The following VPS13D variants were observed in gnomAD, a reference collection of about 807,000 sequenced individuals.
VPS13D encodes the protein intermembrane lipid transfer protein VPS13D.
VPS13D carries 187 observed loss-of-function variants against 461.9 expected under a neutral mutation model. That is an observed-to-expected ratio of 0.40 (90% confidence interval 0.36 to 0.46). The LOEUF (loss-of-function observed/expected upper bound fraction) is 0.46. VPS13D is among the 20% of genes least tolerant of loss of function. The pLI is 0.60. For missense variants in VPS13D, 4,711 were observed against 5,364.9 expected (o/e 0.88, Z 3.81); for synonymous variants, 1,951 against 1,986.3 (o/e 0.98, Z 0.47).
At chr1:12,348,630 A>ATT (rs555444891) in intron 44 of VPS13D, among the ~76,000 whole-genome samples, 193 bp from the exon 45 acceptor site, 1 of 148,968 alleles carries the variant, frequency 6.7e-6, no homozygotes, top group Non-Finnish European at 1.5e-5. Context: ...ACTTTTTAGA[A>ATT]TTTTTTTTTT....
intron 34 of VPS13D, among the ~76,000 whole-genome samples, chr1:12,323,376 C>A (rs972250492): frequency 2.0e-5 from 3 of 152,026 alleles, no homozygotes; most frequent in Non-Finnish European, 4.4e-5. Flanking sequence ...ACTGTGCCCA[C>A]CTCTAATTTT....
chr1:12,437,016 G>A (rs1010080050), intron 65 of VPS13D, among the ~76,000 whole-genome samples: 6 of 152,122 alleles, frequency 3.9e-5, no homozygotes, highest in South Asian at 2.1e-4. Context: ...TTCACTGAGC[G>A]GGCCCAAACA....
In VPS13D at chr1:12,509,269, A is replaced by G. The variant is rs1646154260; in HGVS notation, c.*245A>G. ...GGTATTGGTTAAATAACGTTTAAAAACATGTACTGAGATGAATCTAATTTT... is the reference window on the plus strand; with the variant it reads ...GGTATTGGTTAAATAACGTTTAAAAGCATGTACTGAGATGAATCTAATTTT... On this transcript the variant is annotated 3_prime_UTR_variant, in exon 70 of 70. Coordinates refer to ENST00000620676, the MANE Select transcript of VPS13D (RefSeq NM_015378.4). 8.4e-6 allele frequency: 4 copies of G among 474,820 alleles called. No homozygotes were observed. Among genetic ancestry groups the G allele is most frequent in the Non-Finnish European group, 1.5e-5 (4 of 272,338 alleles). 29.4% of individuals were successfully genotyped at this position (474,820 alleles called of 1,614,324 possible). A position where few individuals can be genotyped will look rare whatever the true frequency, so the allele number is the denominator to read the frequency against.
rs1263838859 is a variant in VPS13D, at chr1:12,349,077, A to G, written c.9221-87A>G. ...GTATCTTCCCCAGCAGTCAGTATAT[A>G]TGGTCTGTCTTCTTTTGTCCTGAGA... On this transcript the variant is annotated intron_variant, in intron 45 of 69. Transcript: ENST00000620676. 12 of 1,609,932 alleles carry G rather than the reference A, an allele frequency of 7.5e-6. No homozygotes were observed. In the Admixed American group the frequency reaches 1.3e-4, roughly 18 times the overall value.
intron 23 of VPS13D, among the ~76,000 whole-genome samples, 158 bp from the exon 24 acceptor site, chr1:12,293,366 G>A (rs1267482840): frequency 6.6e-6 from 1 of 152,142 alleles, no homozygotes; most frequent in Non-Finnish European, 1.5e-5. Context: ...CTTACAAAAG[G>A]AGTAATTATT....
At position 12,396,021 on chromosome 1, in the gene VPS13D, A is replaced by G. The variant is rs1490840097; in HGVS notation, c.11635-4160A>G. ...GATATATATATATATATATATATAT[A>G]TATATATAGTTCTTTAAGATCAATA... On this transcript the variant is annotated intron_variant, in intron 60 of 69. Transcript: ENST00000620676. Among the ~76,000 whole-genome samples, 275 of 135,722 alleles carry G rather than the reference A, an allele frequency of 2.0e-3. 13 individuals are homozygous for G. The highest frequency in any genetic ancestry group is 0.019 in the Admixed American group (254 of 13,558). The allele number at this position is 135,722 out of a possible 152,430, so 89.0% of individuals were successfully genotyped here. A position where few individuals can be genotyped will look rare whatever the true frequency, so the allele number is the denominator to read the frequency against.
Position 12,379,510 on chromosome 1 carries a change from A to G in VPS13D, c.11104A>G (p.Lys3702Glu). ...CAGATACGAGCCACTGATGCTGAGA[A>G]AGCCTGACCGCAGGCGAAGCACAAC... The part of the protein sequence containing the change: ...DNRYEPLMLR[K>E]PDRRRSTTQT... Residue 3702 changes from lysine (K) to glutamate (E), a missense_variant, in exon 57 of 70, where the codon AAG becomes GAG. Physicochemically the swap from Lys to Glu is moderately conservative, Grantham distance 56 (BLOSUM62 1). Transcript: ENST00000620676. The G allele has an allele frequency of 6.2e-7, 1 of 1,613,170 alleles. No individual in the cohort carries two copies. The highest frequency in any genetic ancestry group is 8.5e-7 in the Non-Finnish European group (1 of 1,179,610).
chr1:12,438,468 T>C (rs1470106765), intron 65 of VPS13D, among the ~76,000 whole-genome samples: 1 of 152,224 alleles, frequency 6.6e-6, no homozygotes, highest in African/African-American at 2.4e-5. Context: ...CAGTTAACGG[T>C]ATTTTGTTGT....
At position 12,308,361 on chromosome 1, in the gene VPS13D, T is replaced by C; in HGVS notation, c.6440-70T>C. 4.0e-6 allele frequency: 6 copies of C among 1,514,504 alleles called. No individual in the cohort carries two copies. In the South Asian group the frequency reaches 4.6e-5, roughly 12 times the overall value. The allele number at this position is 1,514,504 out of a possible 1,614,324, so 93.8% of individuals were successfully genotyped here. On this transcript the variant is annotated intron_variant, in intron 26 of 69. Coordinates refer to ENST00000620676, the MANE Select transcript of VPS13D (RefSeq NM_015378.4). ...AAGACAGAATGAGCTTTGCATTTTTTATTTGTTTAGTGCAACCCCTTTTTG... is the reference window on the plus strand; with the variant it reads ...AAGACAGAATGAGCTTTGCATTTTTCATTTGTTTAGTGCAACCCCTTTTTG...
Position 12,416,836 on chromosome 1 carries a change from A to G in VPS13D, c.12333+9A>G, listed in dbSNP as rs1409180294. On this transcript the variant is annotated intron_variant, in intron 65 of 69. Coordinates refer to ENST00000620676, the MANE Select transcript of VPS13D (RefSeq NM_015378.4). ...CAAACTCTGCTGCCAAGGTAAGGAA[A>G]TAGAGGTGAAATTCCATTATAATTA... 3 of 1,606,048 alleles carry G rather than the reference A, an allele frequency of 1.9e-6. No homozygotes were observed. The highest frequency in any genetic ancestry group is 2.7e-5 in the African/African-American group (2 of 74,448).
rs1183206120 is a variant in VPS13D, at chr1:12,288,256, A to G, written c.5668A>G (p.Thr1890Ala). The G allele has an allele frequency of 3.7e-6, 6 of 1,614,034 alleles. No individual in the cohort carries two copies. The highest frequency in any genetic ancestry group is 1.1e-5 in the South Asian group (1 of 91,078). ...HSLSLVLNKT[T>A]SELAKANVSK... The stretch of plus-strand genomic sequence containing the variant: ...ACTTTCTCTAGTGCTGAATAAGACC[A>G]CCAGTGAGCTTGCCAAAGCAAATGT... Residue 1890 changes from threonine (T) to alanine (A), a missense_variant, in exon 22 of 70, where the codon ACC becomes GCC. Physicochemically the swap from Thr to Ala is moderately conservative, Grantham distance 58. Transcript: ENST00000620676.
intron 67 of VPS13D, among the ~76,000 whole-genome samples, chr1:12,484,910 C>T (rs908939715): frequency 3.3e-5 from 5 of 151,900 alleles, no homozygotes; most frequent in Admixed American, 2.0e-4. Flanking sequence ...CTTGCCAGTT[C>T]GTCTCTTATG....
chr1:12,235,394 T>C (rs1401143743), intron 2 of VPS13D, among the ~76,000 whole-genome samples: 1 of 152,054 alleles, frequency 6.6e-6, no homozygotes, highest in East Asian at 1.9e-4. Context: ...CTGGCCAACA[T>C]GGTGAAACCT....
chr1:12,345,642 C>A, intron 43 of VPS13D, 133 bp downstream of exon 43: 1 of 1,247,338 alleles, frequency 8.0e-7, no homozygotes, highest in Non-Finnish European at 1.1e-6. Context: ...CTGGGTCAGT[C>A]ATAGGCATTG....
chr1:12,235,715 C>T (rs1010993073), intron 2 of VPS13D, among the ~76,000 whole-genome samples: 1 of 152,232 alleles, frequency 6.6e-6, no homozygotes, highest in Non-Finnish European at 1.5e-5. Flanking sequence ...TCCTGGTTTT[C>T]CTCTTGTCCT....
Position 12,345,360 on chromosome 1 carries a change from G to T in VPS13D, c.8886-14G>T. On this transcript the variant is annotated splice_polypyrimidine_tract_variant and intron_variant, in intron 42 of 69. Coordinates refer to ENST00000620676, the MANE Select transcript of VPS13D (RefSeq NM_015378.4). ...GATTGTGCCTAATATCTTTTTCTTT[G>T]TTCTGCCTGACAGACACACCCATGA... is the stretch of plus-strand genomic sequence containing the variant. The T allele has an allele frequency of 6.3e-7, 1 of 1,596,430 alleles. No homozygotes were observed. The highest frequency in any genetic ancestry group is 8.6e-7 in the Non-Finnish European group (1 of 1,167,420).
chr1:12,237,492 C>T (rs1379638635), intron 2 of VPS13D, among the ~76,000 whole-genome samples: 1 of 151,246 alleles, frequency 6.6e-6, no homozygotes, highest in Non-Finnish European at 1.5e-5. Flanking sequence ...GATGCTTTTC[C>T]CCCAAAAATT....
intron 65 of VPS13D, among the ~76,000 whole-genome samples, chr1:12,429,016 G>A (rs1326730828): frequency 6.6e-6 from 1 of 152,088 alleles, no homozygotes; most frequent in East Asian, 1.9e-4. Context: ...GGATGAGATT[G>A]GCTGGAGACA....
At chr1:12,345,824 T>TA (rs1643663684) in intron 43 of VPS13D, among the ~76,000 whole-genome samples, 1 of 152,228 alleles carries the variant, frequency 6.6e-6, no homozygotes, top group Non-Finnish European at 1.5e-5. Context: ...CACATATTGT[T>TA]ATGCTGTCCA....
Sources: gnomAD v4.1 joint callset for allele counts (sites outside exome capture counted in the v4.1 genomes callset) on GRCh38, gnomAD v4.1.1 for gene constraint, MANE v1.5 for transcripts, NCBI Gene and HGNC (gene_info 2026-07-23, HGNC 2026-07-21) for gene names.